The following NRDC variants were observed in gnomAD, a reference collection of about 807,000 sequenced individuals.
NRDC encodes nardilysin.
Under a neutral mutation model 147.1 loss-of-function variants are expected in NRDC, and 54 were observed. The observed-to-expected ratio is 0.37, with a 90% CI of 0.29 to 0.46. The LOEUF (loss-of-function observed/expected upper bound fraction) is 0.46. NRDC is among the 20% of genes least tolerant of loss of function. The pLI is 1.00. For synonymous variants in NRDC, 440 were observed against 482.1 expected (o/e 0.91, Z 1.14); for missense variants, 1,082 against 1,370.6 (o/e 0.79, Z 3.33).
intron 24 of NRDC, 115 bp from the exon 25 acceptor site, chr1:51,792,539 G>A: frequency 1.2e-6 from 1 of 864,620 alleles, no homozygotes; most frequent in Admixed American, 1.9e-5. Context: ...TCTCCCCCAA[G>A]AGAGTTAATC....
At position 51,836,152 on chromosome 1, in the gene NRDC, G is replaced by C; in HGVS notation, c.691C>G (p.Leu231Val). 1 of 1,614,108 alleles carries C rather than the reference G, an allele frequency of 6.2e-7. No individual in the cohort carries two copies. Among genetic ancestry groups the C allele is most frequent in the Non-Finnish European group, 8.5e-7 (1 of 1,180,008 alleles). The change falls in exon 3 of 31, where the codon CTG (leucine) becomes GTG (valine). Residue 231 changes from leucine (L) to valine (V), a missense_variant. Leu to Val is a conservative substitution (Grantham distance 32). This residue lies in a region of NRDC where 635 missense variants were observed against 923.8 expected (regional missense o/e 0.69). Coordinates refer to ENST00000352171, the MANE Select transcript of NRDC (RefSeq NM_001101662.2). ...SFADPDDLPG[L>V]AHFLEHMVFM... ...TTACTGTGCTCCAAAAAGTGTGCCA[G>C]CCCCGGCAGGTCATCTGGATCAGCG... is the stretch of plus-strand genomic sequence containing the variant.
At chr1:51,836,944 C>CT (rs201636652) in intron 2 of NRDC, among the ~76,000 whole-genome samples, 7,160 of 128,124 alleles carry the variant, frequency 0.056, 244 homozygotes, top group South Asian at 0.12. Flanking sequence ...ATGATTGGGA[C>CT]TTTTTTTTTT....
chr1:51,843,006 G>A (rs541114845), intron 1 of NRDC, among the ~76,000 whole-genome samples: 3 of 144,294 alleles, frequency 2.1e-5, no homozygotes, highest in Non-Finnish European at 4.5e-5. Flanking sequence ...GGAAGTTGCC[G>A]TGAGCCACGT....
intron 27 of NRDC, 61 bp downstream of exon 27, chr1:51,791,517 T>G (rs1241511980): frequency 2.8e-5 from 39 of 1,375,022 alleles, no homozygotes; most frequent in Non-Finnish European, 4.0e-5. Flanking sequence ...AGGAAACACA[T>G]GTAGCCCCTA....
intron 1 of NRDC, among the ~76,000 whole-genome samples, chr1:51,857,179 T>C (rs577129328): frequency 6.6e-6 from 1 of 152,330 alleles, no homozygotes; most frequent in Admixed American, 6.5e-5. Flanking sequence ...AACTGAAACT[T>C]AACTAGATGT....
chr1:51,872,605 A>C (rs1470347984), intron 1 of NRDC, among the ~76,000 whole-genome samples: 1 of 152,176 alleles, frequency 6.6e-6, no homozygotes, highest in Non-Finnish European at 1.5e-5. Context: ...TAGGAGGCCA[A>C]GGTGGGGAGG....
chr1:51,839,160 C>CTTTT (rs5774110), intron 2 of NRDC, among the ~76,000 whole-genome samples: 7 of 133,778 alleles, frequency 5.2e-5, no homozygotes, highest in East Asian at 4.4e-4. Context: ...TTTTCTTTTT[C>CTTTT]TTTTTTTTTT....
At chr1:51,805,337 T>G (rs1262235715) in intron 19 of NRDC, among the ~76,000 whole-genome samples, 173 bp downstream of exon 19, 1 of 152,214 alleles carries the variant, frequency 6.6e-6, no homozygotes, top group Non-Finnish European at 1.5e-5. Context: ...ACAGTTCCAT[T>G]TTAATGTTTG....
intron 1 of NRDC, 149 bp downstream of exon 1, chr1:51,878,126 C>T (rs1683422608): frequency 7.0e-7 from 1 of 1,419,030 alleles, no homozygotes; most frequent in Non-Finnish European, 9.2e-7. Flanking sequence ...AGCCTCTAAT[C>T]ACGCTTGCCA....
chr1:51,804,000 G>C, intron 19 of NRDC, 36 bp from the exon 20 acceptor site: 4 of 1,523,434 alleles, frequency 2.6e-6, no homozygotes, highest in Non-Finnish European at 3.5e-6. Context: ...ATCTTTAATT[G>C]GTAAGAAAGA....
chr1:51,828,862 G>A (rs856608), intron 4 of NRDC, among the ~76,000 whole-genome samples: 121,430 of 151,830 alleles, frequency 0.8, 49,503 homozygotes, highest in East Asian at 0.98. Flanking sequence ...GAGACTAGAG[G>A]TGTGCACTAC....
At chr1:51,865,594 C>T (rs1029806384) in intron 1 of NRDC, among the ~76,000 whole-genome samples, 3 of 152,086 alleles carry the variant, frequency 2.0e-5, no homozygotes, top group Admixed American at 1.3e-4. Context: ...TGTGCCACTG[C>T]GCCCAGCCTA....
chr1:51,795,083 T>C (rs1557896939), intron 22 of NRDC: 1 of 1,456,554 alleles, frequency 6.9e-7, no homozygotes, highest in East Asian at 2.8e-5. Context: ...GGCAATCTGT[T>C]TACCCATAAT....
chr1:51,870,485 T>C (rs1683029752), intron 1 of NRDC, among the ~76,000 whole-genome samples: 1 of 152,250 alleles, frequency 6.6e-6, no homozygotes, highest in South Asian at 2.1e-4. Context: ...TCACCCATTT[T>C]CTACATTAGC....
intron 1 of NRDC, among the ~76,000 whole-genome samples, chr1:51,846,445 C>T (rs546404363): frequency 5.3e-4 from 80 of 152,320 alleles, no homozygotes; most frequent in Non-Finnish European, 1.1e-3. Flanking sequence ...CATTTTCACT[C>T]TTTTTGTGTC....
intron 9 of NRDC, 29 bp downstream of exon 9, chr1:51,819,771 A>T (rs1571866525): frequency 6.5e-7 from 1 of 1,542,946 alleles, no homozygotes; most frequent in East Asian, 2.3e-5. Context: ...ACATTATTTC[A>T]AACAGTTTTA....
intron 8 of NRDC, among the ~76,000 whole-genome samples, chr1:51,820,747 C>T (rs956428628): frequency 1.3e-5 from 2 of 152,002 alleles, no homozygotes; most frequent in African/African-American, 4.8e-5. Context: ...TATTAGAAGA[C>T]TAATTGGGAA....
chr1:51,829,561 G>A (rs897200231), intron 4 of NRDC, among the ~76,000 whole-genome samples: 1 of 152,056 alleles, frequency 6.6e-6, no homozygotes, highest in African/African-American at 2.4e-5. Context: ...CCTCTGATTT[G>A]ATGTCTTACA....
intron 1 of NRDC, among the ~76,000 whole-genome samples, chr1:51,870,388 T>A (rs762276466): frequency 3.3e-5 from 5 of 152,242 alleles, no homozygotes; most frequent in Non-Finnish European, 5.9e-5. Context: ...TTTAAACTAC[T>A]GCTTTATTCT....
Sources: allele counts gnomAD v4.1 joint callset (sites outside exome capture counted in the v4.1 genomes callset), GRCh38; gene constraint gnomAD v4.1.1; regional missense constraint gnomAD v4.1.1; transcripts MANE v1.5; gene names NCBI Gene and HGNC (gene_info 2026-07-23, HGNC 2026-07-21).